The following MYO10 variants were observed in gnomAD, a reference collection of about 807,000 sequenced individuals.
The protein encoded by MYO10 is myosin X, also known as unconventional myosin-X.
MYO10 carries 133 observed loss-of-function variants against 257.3 expected under a neutral mutation model. The ratio of observed to expected loss-of-function variants is 0.52; its 90% CI spans 0.45 to 0.60. MYO10 has a LOEUF of 0.60. Among genes scored for constraint, MYO10 ranks in the 20% least tolerant of loss-of-function variants. The pLI, the probability that MYO10 is intolerant of heterozygous loss-of-function variation, is 0.00. For missense variants in MYO10, 2,399 were observed against 2,635.7 expected (o/e 0.91, Z 1.97); for synonymous variants, 1,104 against 1,028.6 (o/e 1.07, Z -1.40).
chr5:16,755,618 C>CCAG (rs1740506364), intron 18 of MYO10, among the ~76,000 whole-genome samples: 1 of 152,128 alleles, frequency 6.6e-6, no homozygotes, highest in South Asian at 2.1e-4. Context: ...ACAGTCTATG[C>CCAG]CAGCACTTCA....
chr5:16,915,737 C>T (rs1411278579), intron 1 of MYO10, among the ~76,000 whole-genome samples: 1 of 152,210 alleles, frequency 6.6e-6, no homozygotes, highest in Non-Finnish European at 1.5e-5. Context: ...GGGCGGATCA[C>T]CTAAGGTCAG....
chr5:16,737,218 G>T (rs1305034683), intron 19 of MYO10, among the ~76,000 whole-genome samples: 1 of 152,264 alleles, frequency 6.6e-6, no homozygotes, highest in African/African-American at 2.4e-5. Context: ...ATTTTGTAGA[G>T]GCAAACTTTG....
At chr5:16,758,084 G>T in intron 18 of MYO10, 34 bp downstream of exon 18, 1 of 1,448,928 alleles carries the variant, frequency 6.9e-7, no homozygotes, top group South Asian at 1.1e-5. Context: ...ATACAGTAAC[G>T]ACGGATTCCT....
chr5:16,919,360 G>A (rs1275085679), intron 1 of MYO10, among the ~76,000 whole-genome samples: 3 of 151,812 alleles, frequency 2.0e-5, no homozygotes, highest in East Asian at 1.9e-4. Context: ...CCTGGGCAAC[G>A]GAACAAGACT....
intron 1 of MYO10, among the ~76,000 whole-genome samples, chr5:16,904,995 T>C (rs185161527): frequency 2.8e-4 from 43 of 152,314 alleles, no homozygotes; most frequent in African/African-American, 1.0e-3. Context: ...CTCTACCTCC[T>C]CAGAGCTCAG....
chr5:16,670,548 C>T lies in MYO10; in HGVS notation c.5861G>A (p.Gly1954Asp). The T allele has an allele frequency of 1.2e-6, 2 of 1,611,724 alleles. No individual in the cohort carries two copies. The change falls in exon 39 of 41, where the codon GGC becomes GAC. Residue 1954 changes from glycine (G) to aspartate (D), a missense_variant. Gly to Asp is a moderately conservative substitution (Grantham distance 94). This residue lies in a region of MYO10 where 1,820 missense variants were observed against 1,939.4 expected (regional missense o/e 0.94). Transcript: ENST00000513610. ...CACCTCCACATCAAACAGCGTCGAG[C>T]CATAGCCAGGCCACTCCTTGATCAA... ...MALIKEWPGY[G>D]STLFDVECKE...
In MYO10 at chr5:16,895,897, A is replaced by AG. The variant is rs1745204545; in HGVS notation, c.22-18191dup. On this transcript the variant is annotated intron_variant, in intron 1 of 40. Transcript: ENST00000513610. ...CCCCCAGTGGTAAAGCCTTAATGCA[A>AG]GGGGGGCCCTGCCGCACAGCAGGGC... 2.6e-5 allele frequency among the ~76,000 whole-genome samples: 4 copies of AG among 152,206 alleles called. No homozygotes were observed. The South Asian group carries it at 8.3e-4, about 32-fold the overall frequency.
At chr5:16,792,664 A>T (rs1353223722) in intron 4 of MYO10, among the ~76,000 whole-genome samples, 1 of 152,090 alleles carries the variant, frequency 6.6e-6, no homozygotes, top group Non-Finnish European at 1.5e-5. Flanking sequence ...CCATCTGGGA[A>T]TCAGTTTCCC....
Position 16,698,817 on chromosome 5 carries a change from G to A in MYO10, c.3556+633C>T, listed in dbSNP as rs111325613. On this transcript the variant is annotated intron_variant, in intron 26 of 40. Transcript: ENST00000513610. ...TTTTTGTATTTTTAGTAGAGACGGC[G>A]TTTCACTGTGTTAGCCAGGATGGTC... is the stretch of plus-strand genomic sequence containing the variant. Among the ~76,000 whole-genome samples, 985 of 145,844 alleles carry A rather than the reference G, an allele frequency of 6.8e-3. 74 individuals are homozygous for A. Among genetic ancestry groups the A allele is most frequent in the African/African-American group, 0.026 (940 of 35,700 alleles).
chr5:16,705,008 A>G (rs1444787579), intron 21 of MYO10, among the ~76,000 whole-genome samples: 2 of 152,204 alleles, frequency 1.3e-5, no homozygotes, highest in African/African-American at 4.8e-5. Flanking sequence ...CACTTAACAC[A>G]TCATGGGCTG....
chr5:16,667,764 T>G (rs750628027), intron 40 of MYO10, among the ~76,000 whole-genome samples: 5 of 152,048 alleles, frequency 3.3e-5, no homozygotes, highest in Admixed American at 6.6e-5. Context: ...TCAATAAGCT[T>G]CTTGTATTAT....
chr5:16,753,115 C>T (rs548074901), intron 19 of MYO10, among the ~76,000 whole-genome samples: 2 of 152,134 alleles, frequency 1.3e-5, no homozygotes, highest in South Asian at 4.1e-4. Context: ...CCAATTTTGC[C>T]TCTCTAGAAG....
At chr5:16,827,959 G>C (rs1217004861) in intron 2 of MYO10, among the ~76,000 whole-genome samples, 3 of 152,122 alleles carry the variant, frequency 2.0e-5, no homozygotes, top group African/African-American at 7.2e-5. Flanking sequence ...TCAATTTCTT[G>C]GTATCATGGG....
intron 10 of MYO10, among the ~76,000 whole-genome samples, chr5:16,768,636 T>C (rs1740949418): frequency 6.7e-6 from 1 of 148,788 alleles, no homozygotes; most frequent in Non-Finnish European, 1.5e-5. Context: ...TAGCTCTCTA[T>C]TCAAGGAGTC....
At chr5:16,754,791 G>A (rs764712819) in intron 19 of MYO10, 37 bp downstream of exon 19, 19 of 1,489,574 alleles carry the variant, frequency 1.3e-5, no homozygotes, top group Non-Finnish European at 1.5e-5. Context: ...TGTGTCCCTC[G>A]AGACAGATCC....
chr5:16,749,484 C>CA (rs5866205), intron 19 of MYO10, among the ~76,000 whole-genome samples: 3,288 of 80,512 alleles, frequency 0.041, 44 homozygotes, highest in Middle Eastern at 0.052. Flanking sequence ...GACTCCACCT[C>CA]AAAAAAAAAA....
intron 40 of MYO10, among the ~76,000 whole-genome samples, chr5:16,667,060 C>T (rs1245669494): frequency 6.6e-6 from 1 of 152,198 alleles, no homozygotes; most frequent in Non-Finnish European, 1.5e-5. Context: ...AGACTTTGCA[C>T]ATTAAAATCC....
At chr5:16,844,445 C>A in intron 2 of MYO10, among the ~76,000 whole-genome samples, 1 of 151,826 alleles carries the variant, frequency 6.6e-6, no homozygotes, top group Middle Eastern at 3.2e-3. Flanking sequence ...AGTGAAAGGG[C>A]AAATAGTCAT....
chr5:16,675,269 A>G (rs542696142), intron 34 of MYO10, 119 bp from the exon 35 acceptor site: 3 of 963,060 alleles, frequency 3.1e-6, no homozygotes, highest in African/African-American at 1.6e-5. Flanking sequence ...AATGCCCACC[A>G]CACTCCCTAT....
Sources: gnomAD v4.1 joint callset for allele counts (sites outside exome capture counted in the v4.1 genomes callset) on GRCh38, gnomAD v4.1.1 for gene constraint, gnomAD v4.1.1 regional missense constraint, MANE v1.5 for transcripts, NCBI Gene and HGNC (gene_info 2026-07-23, HGNC 2026-07-21) for gene names.